The following CSRP3 variants were observed in gnomAD, a reference collection of about 807,000 sequenced individuals.
The protein encoded by CSRP3 is cysteine and glycine-rich protein 3.
A neutral mutation model predicts 24.3 loss-of-function variants in CSRP3; 24 were observed. The observed-to-expected ratio is 0.99, with a 90% CI of 0.71 to 1.39. The LOEUF is 1.39. Ranked by LOEUF, CSRP3 falls within the 40% of genes most tolerant of loss-of-function variation. The pLI, the probability that CSRP3 is intolerant of heterozygous loss-of-function variation, is 0.00. For synonymous variants in CSRP3, 105 were observed against 94.0 expected (o/e 1.12, Z -0.68); for missense variants, 240 against 249.0 (o/e 0.96, Z 0.24).
intron 1 of CSRP3, among the ~76,000 whole-genome samples, chr11:19,195,263 C>G (rs1449783457): frequency 1.3e-5 from 2 of 151,990 alleles, no homozygotes; most frequent in Non-Finnish European, 2.9e-5. Context: ...ATTTTGGACT[C>G]CATTTAAACT....
chr11:19,192,472 C>T lies in CSRP3; in HGVS notation c.-24G>A. Reference sequence around the variant, plus strand: ...ATCTTGAAGACTATCTGGTCAAGGTCAAGTCTAAGGGGACATAAAGCAAAT... The same window carrying T: ...ATCTTGAAGACTATCTGGTCAAGGTTAAGTCTAAGGGGACATAAAGCAAAT... On this transcript the variant is annotated 5_prime_UTR_variant, in exon 2 of 6. Coordinates refer to ENST00000265968, the MANE Select transcript of CSRP3 (RefSeq NM_003476.5). 1 of 1,588,318 alleles carries T rather than the reference C, an allele frequency of 6.3e-7. No homozygotes were observed. Among genetic ancestry groups the T allele is most frequent in the South Asian group, 1.1e-5 (1 of 90,532 alleles).
At chr11:19,190,245 T>A (rs777871751) in intron 2 of CSRP3, among the ~76,000 whole-genome samples, 1 of 152,222 alleles carries the variant, frequency 6.6e-6, no homozygotes, top group Non-Finnish European at 1.5e-5. Flanking sequence ...TACCCTAAGG[T>A]GCCCTGGCCA....
At chr11:19,187,615 A>C (rs1311641203) in intron 3 of CSRP3, among the ~76,000 whole-genome samples, 7 of 152,212 alleles carry the variant, frequency 4.6e-5, no homozygotes, top group African/African-American at 1.7e-4. Flanking sequence ...CTGTATTGGC[A>C]ACAGGCAGCC....
chr11:19,193,487 A>C (rs762251667), intron 1 of CSRP3, among the ~76,000 whole-genome samples: 3 of 152,318 alleles, frequency 2.0e-5, no homozygotes, highest in South Asian at 2.1e-4. Context: ...TACATTTAAG[A>C]GATATTAACC....
In CSRP3 at chr11:19,182,464, A is replaced by T; in HGVS notation, c.*206T>A. 1 of 613,268 alleles carries T rather than the reference A, an allele frequency of 1.6e-6. No individual in the cohort carries two copies. 38.0% of individuals were successfully genotyped at this position (613,268 alleles called of 1,614,324 possible). On this transcript the variant is annotated 3_prime_UTR_variant, in exon 6 of 6. Coordinates refer to ENST00000265968, the MANE Select transcript of CSRP3 (RefSeq NM_003476.5). The stretch of plus-strand genomic sequence containing the variant: ...TCTCCCATTCCAAGCATTATAAATA[A>T]TAAAGCATTTGTTATAGATTAAACT...
Position 19,201,982 on chromosome 11 carries a change from C to T in CSRP3, c.-57G>A, listed in dbSNP as rs541052548. 6.6e-6 allele frequency: 1 copy of T among 152,572 alleles called. No homozygotes were observed. Among genetic ancestry groups the T allele is most frequent in the East Asian group, 1.9e-4 (1 of 5,172 alleles). The allele number at this position is 152,572 out of a possible 1,614,324, so 9.5% of individuals were successfully genotyped here. A position where few individuals can be genotyped will look rare whatever the true frequency, so the allele number is the denominator to read the frequency against. On this transcript the variant is annotated 5_prime_UTR_variant, in exon 1 of 6. Coordinates refer to ENST00000265968, the MANE Select transcript of CSRP3 (RefSeq NM_003476.5). ...CCTGTGTGGACTCCGTTCAGCTCAACTGAGTCTGAGGGGCTCTTGTCCTCT... is the reference window on the plus strand; with the variant it reads ...CCTGTGTGGACTCCGTTCAGCTCAATTGAGTCTGAGGGGCTCTTGTCCTCT...
chr11:19,200,517 G>A (rs772737800), intron 1 of CSRP3, among the ~76,000 whole-genome samples: 6 of 150,748 alleles, frequency 4.0e-5, no homozygotes, highest in Non-Finnish European at 5.9e-5. Context: ...TCTCTCCTTC[G>A]AAGGAGGAGG....
intron 1 of CSRP3, chr11:19,196,781 A>C (rs1418909671): frequency 2.0e-5 from 3 of 152,188 alleles, no homozygotes; most frequent in African/African-American, 7.2e-5. Flanking sequence ...CCCTGAGATG[A>C]CTATGTTGTC....
chr11:19,199,192 C>T (rs116245463), intron 1 of CSRP3, among the ~76,000 whole-genome samples: 1,965 of 151,404 alleles, frequency 0.013, 39 homozygotes, highest in African/African-American at 0.045. Context: ...AGCCAGGGGC[C>T]CTGTAGTCTG....
rs780917755 is a variant in CSRP3 at position 19,188,161 on chromosome 11, C to G, written c.256G>C (p.Glu86Gln). Residue 86 changes from glutamate (E) to glutamine (Q), a missense_variant, in exon 3 of 6, where the codon GAG (glutamate) becomes CAG (glutamine). Glu to Gln is a conservative substitution (Grantham distance 29). Transcript: ENST00000265968. ...GAGCLSTDTG[E>Q]HLGLQFQQSP... ...TGTTGGAACTGCAGGCCGAGATGCT[C>G]GCCCGTGTCTGTGCTGAGACAGCCA... is the stretch of plus-strand genomic sequence containing the variant. 6.2e-7 allele frequency: 1 copy of G among 1,614,024 alleles called. No individual in the cohort carries two copies. Among genetic ancestry groups the G allele is most frequent in the African/African-American group, 1.3e-5 (1 of 74,914 alleles).
intron 1 of CSRP3, 65 bp from the exon 2 acceptor site, chr11:19,192,541 G>T: frequency 4.0e-6 from 4 of 1,000,730 alleles, no homozygotes; most frequent in Non-Finnish European, 6.3e-6. Context: ...ATCTCTAAGA[G>T]TGCAGTGGTC....
chr11:19,188,022 G>T, intron 3 of CSRP3, 114 bp downstream of exon 3: 2 of 1,253,546 alleles, frequency 1.6e-6, no homozygotes, highest in Non-Finnish European at 2.3e-6. Context: ...TTGTTGGCAA[G>T]TCAACAATAG....
intron 1 of CSRP3, among the ~76,000 whole-genome samples, chr11:19,197,919 G>A (rs576542684): frequency 3.2e-4 from 48 of 152,054 alleles, no homozygotes; most frequent in African/African-American, 8.9e-4. Context: ...CTTGGGTATC[G>A]TTTAATCTTC....
chr11:19,199,000 T>C (rs959277062), intron 1 of CSRP3, among the ~76,000 whole-genome samples: 1 of 152,260 alleles, frequency 6.6e-6, no homozygotes, highest in African/African-American at 2.4e-5. Context: ...AGTTTTCAAG[T>C]CTGTTCTTTT....
chr11:19,186,044 G>A (rs2133508112), intron 4 of CSRP3, among the ~76,000 whole-genome samples, 172 bp downstream of exon 4: 1 of 152,292 alleles, frequency 6.6e-6, no homozygotes, highest in Non-Finnish European at 1.5e-5. Flanking sequence ...GGCAATGCTA[G>A]ATGACAGACA....
chr11:19,197,388 CCCTT>C (rs869090928), intron 1 of CSRP3, among the ~76,000 whole-genome samples: 171 of 10,792 alleles, frequency 0.016, 1 homozygote, highest in East Asian at 0.03. Context: ...CTCCCTCCCT[CCCTT>C]CCTTCCTTCC....
chr11:19,186,852 C>T (rs993948949), intron 3 of CSRP3, among the ~76,000 whole-genome samples: 5 of 152,214 alleles, frequency 3.3e-5, no homozygotes, highest in African/African-American at 1.2e-4. Flanking sequence ...GCCAGGCTGT[C>T]GTCCTGCCTC....
chr11:19,199,732 A>G (rs1011989109), intron 1 of CSRP3, among the ~76,000 whole-genome samples: 1 of 152,124 alleles, frequency 6.6e-6, no homozygotes, highest in African/African-American at 2.4e-5. Context: ...ATCATGATCA[A>G]CCCTTTCCCA....
chr11:19,182,492 A>G lies in CSRP3; in HGVS notation c.*178T>C, dbSNP rs1000138177. 8 of 657,754 alleles carry G rather than the reference A, an allele frequency of 1.2e-5. No homozygotes were observed. The highest frequency in any genetic ancestry group is 2.4e-4 in the Middle Eastern group (1 of 4,086). The allele number at this position is 657,754 out of a possible 1,614,324, so 40.7% of individuals were successfully genotyped here. A position where few individuals can be genotyped will look rare whatever the true frequency, so the allele number is the denominator to read the frequency against. Reference sequence around the variant, plus strand: ...AAGCATTTGTTATAGATTAAACTTTACATAATTTTCTTCCAAAGGCCTCTT... The same window carrying G: ...AAGCATTTGTTATAGATTAAACTTTGCATAATTTTCTTCCAAAGGCCTCTT... On this transcript the variant is annotated 3_prime_UTR_variant, in exon 6 of 6. Coordinates refer to ENST00000265968, the MANE Select transcript of CSRP3 (RefSeq NM_003476.5).
Sources: allele counts gnomAD v4.1 joint callset (sites outside exome capture counted in the v4.1 genomes callset), GRCh38; gene constraint gnomAD v4.1.1; transcripts MANE v1.5; gene names NCBI Gene and HGNC (gene_info 2026-07-23, HGNC 2026-07-21).